Variants in DGKD observed in about 807,000 individuals in gnomAD.
DGKD encodes the protein diacylglycerol kinase delta, also known as DAG kinase delta.
DGKD carries 68 observed loss-of-function variants against 154.4 expected under a neutral mutation model. The ratio of observed to expected loss-of-function variants is 0.44; its 90% CI spans 0.36 to 0.54. DGKD has a LOEUF of 0.54. Ranked by LOEUF, DGKD falls within the 20% of genes least tolerant of loss-of-function variation. DGKD has a pLI of 0.00. For missense variants in DGKD, 1,343 were observed against 1,593.6 expected, an observed-to-expected ratio of 0.84 and a Z score of 2.68; for synonymous variants, 693 against 638.0, an observed-to-expected ratio of 1.09 and a Z score of -1.30.
intron 3 of DGKD, among the ~76,000 whole-genome samples, chr2:233,395,368 C>T (rs917285273): frequency 2.0e-5 from 3 of 152,012 alleles, no homozygotes; most frequent in East Asian, 1.9e-4. Flanking sequence ...AGGAGTTTCA[C>T]CATGTCACCT....
Position 233,404,025 on chromosome 2 carries a change from A to G in DGKD, c.348+13542A>G, listed in dbSNP as rs2061621417. ...TTTTGTGTTTTGTGTTACAAAGTTA[A>G]ATTTTGTGTTTTGTGTTACAAAATT... On this transcript the variant is annotated intron_variant, in intron 3 of 29. Transcript: ENST00000264057. Among the ~76,000 whole-genome samples, 4 of 152,108 alleles carry G rather than the reference A, an allele frequency of 2.6e-5. 1 individual carries two copies. The South Asian group carries it at 8.3e-4, about 32-fold the overall frequency.
chr2:233,402,812 T>A (rs536492995), intron 3 of DGKD, among the ~76,000 whole-genome samples: 40 of 152,294 alleles, frequency 2.6e-4, no homozygotes, highest in African/African-American at 9.6e-4. Flanking sequence ...AAGATGCAAG[T>A]TTTAGAACTT....
chr2:233,447,517 T>G, intron 12 of DGKD: 1 of 985,132 alleles, frequency 1.0e-6, no homozygotes, highest in Non-Finnish European at 1.2e-6. Context: ...TTCCTTTTTT[T>G]AAAAAAAAAT....
At chr2:233,453,438 T>G (rs946205531) in intron 18 of DGKD, among the ~76,000 whole-genome samples, 23 of 152,218 alleles carry the variant, frequency 1.5e-4, no homozygotes, top group African/African-American at 5.5e-4. Flanking sequence ...GCACTTGGTC[T>G]TCCCCCTGGT....
At chr2:233,370,330 C>A (rs1702245232) in intron 1 of DGKD, among the ~76,000 whole-genome samples, 1 of 152,060 alleles carries the variant, frequency 6.6e-6, no homozygotes, top group South Asian at 2.1e-4. Context: ...CCTCTCACCT[C>A]AGCCCCCCCA....
intron 10 of DGKD, among the ~76,000 whole-genome samples, chr2:233,443,169 C>T (rs554900114): frequency 6.6e-5 from 10 of 152,320 alleles, no homozygotes; most frequent in Admixed American, 2.0e-4. Flanking sequence ...TGTCTTTCCC[C>T]GTGCACCATC....
intron 3 of DGKD, among the ~76,000 whole-genome samples, chr2:233,418,511 A>C (rs907596182): frequency 1.3e-5 from 2 of 152,180 alleles, no homozygotes; most frequent in African/African-American, 4.8e-5. Flanking sequence ...TTTTTGCTTC[A>C]TTTTACTTTA....
intron 1 of DGKD, chr2:233,385,869 C>T (rs962824544): frequency 4.5e-6 from 2 of 448,486 alleles, no homozygotes; most frequent in African/African-American, 4.1e-5. Context: ...ATCTTTTCCC[C>T]AGCCTTTTCC....
At chr2:233,419,553 T>C in intron 3 of DGKD, 1 of 592,918 alleles carries the variant, frequency 1.7e-6, no homozygotes, top group Non-Finnish European at 2.1e-6. Flanking sequence ...GCTTCTTGGC[T>C]TGTATGTCTT....
rs1703879704 is a variant in DGKD, at chr2:233,394,690, C to CTTTTTTT, written c.348+4207_348+4208insTTTTTTT. On this transcript the variant is annotated intron_variant, in intron 3 of 29. Coordinates refer to ENST00000264057, the MANE Select transcript of DGKD (RefSeq NM_152879.3). ...TTCCTTATTATTTTGAATTTAATTCCCTTTTTTTTTTTTTTTTTTTTTTTT... is the reference window on the plus strand; with the variant it reads ...TTCCTTATTATTTTGAATTTAATTCCTTTTTTTCTTTTTTTTTTTTTTTTTTTTTTTT... Among the ~76,000 whole-genome samples the CTTTTTTT allele has an allele frequency of 5.3e-4, 44 of 83,248 alleles. 7 individuals carry two copies. Among genetic ancestry groups the CTTTTTTT allele is most frequent in the African/African-American group, 1.5e-3 (34 of 22,692 alleles). The allele number at this position is 83,248 out of a possible 152,430, so 54.6% of individuals were successfully genotyped here. A position where few individuals can be genotyped will look rare whatever the true frequency, so the allele number is the denominator to read the frequency against.
At position 233,445,430 on chromosome 2, in the gene DGKD, T is replaced by C. The variant is rs1345595996; in HGVS notation, c.1195-193T>C. Among the ~76,000 whole-genome samples, 2 of 152,142 alleles carry C rather than the reference T, an allele frequency of 1.3e-5. No individual in the cohort carries two copies. The highest frequency in any genetic ancestry group is 2.9e-5 in the Non-Finnish European group (2 of 68,020). On this transcript the variant is annotated intron_variant, in intron 10 of 29. Coordinates refer to ENST00000264057, the MANE Select transcript of DGKD (RefSeq NM_152879.3). This position sits in a 1 kb window ranked among gnomAD's most constrained non-coding sequence, Gnocchi z 5.5. Reference sequence around the variant, plus strand: ...TATCTCAAGGGCAGTCATGTTTCTGTCTCATTGCCAAGGAAAATGCCATCT... The same window carrying C: ...TATCTCAAGGGCAGTCATGTTTCTGCCTCATTGCCAAGGAAAATGCCATCT...
chr2:233,363,106 AAAAAC>A (rs1324028801), intron 1 of DGKD, among the ~76,000 whole-genome samples: 2 of 152,242 alleles, frequency 1.3e-5, no homozygotes, highest in Non-Finnish European at 2.9e-5. Context: ...TAGAAAAAAG[AAAAAC>A]AAATTGTAAA....
chr2:233,373,493 G>A (rs1427484142), intron 1 of DGKD, among the ~76,000 whole-genome samples: 3 of 152,186 alleles, frequency 2.0e-5, no homozygotes, highest in African/African-American at 4.8e-5. Context: ...GTGTTGTGAC[G>A]TGGAGATGAT....
At chr2:233,463,941 T>G in intron 26 of DGKD, 1 of 568,176 alleles carries the variant, frequency 1.8e-6, no homozygotes, top group South Asian at 2.4e-5. Flanking sequence ...CTATGTGAAT[T>G]CATCGTTGAC....
chr2:233,461,145 C>CG (rs984536060), intron 24 of DGKD, among the ~76,000 whole-genome samples: 18 of 152,322 alleles, frequency 1.2e-4, no homozygotes, highest in African/African-American at 4.3e-4. Context: ...GCTCCTCGCC[C>CG]GCCAGGTGCG....
intron 3 of DGKD, among the ~76,000 whole-genome samples, chr2:233,428,988 A>G (rs570558978): frequency 2.5e-4 from 38 of 152,326 alleles, no homozygotes; most frequent in African/African-American, 8.2e-4. Flanking sequence ...GGTGAAGGCA[A>G]TGATGCCATT....
Position 233,449,906 on chromosome 2 carries a change from G to A in DGKD, c.1889-76G>A, listed in dbSNP as rs375478264. 2 of 1,483,118 alleles carry A rather than the reference G, an allele frequency of 1.3e-6. No homozygotes were observed. The highest frequency in any genetic ancestry group is 1.4e-5 in the African/African-American group (1 of 71,150). The allele number at this position is 1,483,118 out of a possible 1,614,324, so 91.9% of individuals were successfully genotyped here. A position where few individuals can be genotyped will look rare whatever the true frequency, so the allele number is the denominator to read the frequency against. ...AGATCAGGCCGTGGGGTGAGGATGA[G>A]GGGCCCTCCACCCAGCCTGACAGCG... On this transcript the variant is annotated intron_variant, in intron 15 of 29. Transcript: ENST00000264057. The surrounding 1 kb of genome is among the most constrained non-coding windows in gnomAD (Gnocchi z 5.3).
chr2:233,395,659 T>C (rs1161419969), intron 3 of DGKD, among the ~76,000 whole-genome samples: 1 of 150,112 alleles, frequency 6.7e-6, no homozygotes, highest in African/African-American at 2.4e-5. Flanking sequence ...TCTTTCCTTT[T>C]TCCTTTTTTT....
chr2:233,400,298 A>AGCG (rs2061527734), intron 3 of DGKD, among the ~76,000 whole-genome samples: 1 of 152,240 alleles, frequency 6.6e-6, no homozygotes, highest in Non-Finnish European at 1.5e-5. Context: ...CTTTGTCTAC[A>AGCG]GGACAGCGGG....
Sources: gnomAD v4.1 joint callset for allele counts (sites outside exome capture counted in the v4.1 genomes callset) on GRCh38, gnomAD v4.1.1 for gene constraint, Gnocchi (gnomAD v3.1) non-coding constraint, MANE v1.5 for transcripts, NCBI Gene and HGNC (gene_info 2026-07-23, HGNC 2026-07-21) for gene names.